Variants in SRPK2 observed in about 807,000 individuals in gnomAD.
SRPK2 encodes SFRS protein kinase 2.
SRPK2 carries 21 observed loss-of-function variants against 90.8 expected under a neutral mutation model. The ratio of observed to expected loss-of-function variants is 0.23; its 90% CI spans 0.16 to 0.33. The LOEUF (loss-of-function observed/expected upper bound fraction) is 0.33. SRPK2 is among the 10% of genes least tolerant of loss of function. The probability of loss-of-function intolerance (pLI) is 1.00; values close to 1 mark genes in which losing one functional copy is unlikely to be tolerated. For missense variants in SRPK2, 620 were observed against 869.0 expected (o/e 0.71, Z 3.60); for synonymous variants, 288 against 311.1 (o/e 0.93, Z 0.78).
intron 2 of SRPK2, among the ~76,000 whole-genome samples, chr7:105,289,817 A>G (rs1281410805): frequency 6.6e-6 from 1 of 152,194 alleles, no homozygotes; most frequent in Non-Finnish European, 1.5e-5. Context: ...AGCCTCTGAC[A>G]TGCCTTCCTC....
At chr7:105,320,272 T>C (rs1031744076) in intron 2 of SRPK2, among the ~76,000 whole-genome samples, 1 of 152,212 alleles carries the variant, frequency 6.6e-6, no homozygotes, top group Non-Finnish European at 1.5e-5. Context: ...GGAAGATTCA[T>C]ATTTTGCTCA....
rs55928342 is a variant in SRPK2 at position 105,372,136 on chromosome 7, TAAA to T, written c.71+16509_71+16511del. On this transcript the variant is annotated intron_variant, in intron 2 of 15. Coordinates refer to ENST00000393651, the MANE Select transcript of SRPK2 (RefSeq NM_182692.3). ...GGTGACAGAGCAAGACTCCAACTCA[TAAA>T]AAAAAAAAAAAAAAAAAAAAAAAGT... Among the ~76,000 whole-genome samples, 502 of 76,770 alleles carry T rather than the reference TAAA, an allele frequency of 6.5e-3. 4 individuals are homozygous for T. Among genetic ancestry groups the T allele is most frequent in the African/African-American group, 1.0e-2 (190 of 19,072 alleles). 50.4% of individuals were successfully genotyped at this position (76,770 alleles called of 152,430 possible).
chr7:105,386,182 C>G (rs1022127087), intron 2 of SRPK2, among the ~76,000 whole-genome samples: 1 of 151,876 alleles, frequency 6.6e-6, no homozygotes. Flanking sequence ...GGCGTGGTGG[C>G]GGGCGCCTGT....
At chr7:105,295,694 C>T (rs1212896421) in intron 2 of SRPK2, among the ~76,000 whole-genome samples, 1 of 152,072 alleles carries the variant, frequency 6.6e-6, no homozygotes, top group African/African-American at 2.4e-5. Flanking sequence ...ACAGTGGTCA[C>T]GGTTACAAAA....
chr7:105,336,547 C>T (rs1198772467), intron 2 of SRPK2, among the ~76,000 whole-genome samples: 1 of 151,660 alleles, frequency 6.6e-6, no homozygotes, highest in Non-Finnish European at 1.5e-5. Context: ...GGACTGAAAA[C>T]CAAAAAAAAA....
Position 105,388,835 on chromosome 7 carries a change from C to T in SRPK2, c.-29G>A, listed in dbSNP as rs1280091662. The T allele has an allele frequency of 7.5e-7, 1 of 1,335,222 alleles. No individual in the cohort carries two copies. Among genetic ancestry groups the T allele is most frequent in the South Asian group, 2.0e-5 (1 of 49,908 alleles). 82.7% of individuals were successfully genotyped at this position (1,335,222 alleles called of 1,614,324 possible). A position where few individuals can be genotyped will look rare whatever the true frequency, so the allele number is the denominator to read the frequency against. On this transcript the variant is annotated 5_prime_UTR_variant, in exon 1 of 16. Transcript: ENST00000393651. ...GACGCGGCGGAAGCGGGGCGGGGGG[C>T]TTCGCGACGGCGACGCGGGCGCCGA...
intron 11 of SRPK2, among the ~76,000 whole-genome samples, chr7:105,141,442 G>C (rs1218531161): frequency 1.3e-5 from 2 of 152,138 alleles, no homozygotes; most frequent in African/African-American, 4.8e-5. Context: ...AGCCTTCTTA[G>C]GTAGACAAGA....
intron 3 of SRPK2, among the ~76,000 whole-genome samples, chr7:105,182,726 C>T (rs1793044515): frequency 6.6e-6 from 1 of 152,156 alleles, no homozygotes; most frequent in Admixed American, 6.5e-5. Context: ...CCTTGGCCTC[C>T]CAAAGTGCTG....
chr7:105,118,598 A>G (rs189379770), intron 15 of SRPK2, among the ~76,000 whole-genome samples: 114 of 152,092 alleles, frequency 7.5e-4, no homozygotes, highest in African/African-American at 2.4e-3. Context: ...TTCATAAGAG[A>G]AAAAAAAGGT....
intron 2 of SRPK2, among the ~76,000 whole-genome samples, chr7:105,288,621 A>T (rs777514899): frequency 5.3e-5 from 8 of 152,100 alleles, no homozygotes; most frequent in Non-Finnish European, 1.0e-4. Context: ...CAACAAAAAA[A>T]ATATATAAAA....
Position 105,176,613 on chromosome 7 carries a change from ACGTGTG to A in SRPK2, c.230-7354_230-7349del, listed in dbSNP as rs1263728991. ...TATGTGTGTGTGTGTGTGTGTGTATACGTGTGTGTATATATATATATGCACAGTGGC... is the reference window on the plus strand; with the variant it reads ...TATGTGTGTGTGTGTGTGTGTGTATATGTATATATATATATGCACAGTGGC... On this transcript the variant is annotated intron_variant, in intron 3 of 15. Transcript: ENST00000393651. Among the ~76,000 whole-genome samples the A allele has an allele frequency of 6.2e-3, 117 of 18,796 alleles. 4 individuals are homozygous for A. In the South Asian group the frequency reaches 0.18, roughly 30 times the overall value. 12.3% of individuals were successfully genotyped at this position (18,796 alleles called of 152,430 possible).
At chr7:105,262,856 A>T (rs1252336140) in intron 2 of SRPK2, among the ~76,000 whole-genome samples, 1 of 152,214 alleles carries the variant, frequency 6.6e-6, no homozygotes, top group Non-Finnish European at 1.5e-5. Context: ...GAGAAGGAAA[A>T]AAATATATAC....
intron 2 of SRPK2, 46 bp downstream of exon 2, chr7:105,388,602 G>C: frequency 6.6e-7 from 1 of 1,516,636 alleles, no homozygotes; most frequent in Non-Finnish European, 8.9e-7. Context: ...GGGCGCCCCC[G>C]ACGGGGCGGG....
intron 2 of SRPK2, among the ~76,000 whole-genome samples, chr7:105,215,125 G>A (rs371456292): frequency 3.0e-4 from 46 of 152,238 alleles, no homozygotes; most frequent in African/African-American, 1.1e-3. Context: ...CGGAACAACC[G>A]AATATTCACA....
At chr7:105,246,301 C>T (rs1585338758) in intron 2 of SRPK2, among the ~76,000 whole-genome samples, 5 of 152,146 alleles carry the variant, frequency 3.3e-5, no homozygotes, top group Admixed American at 2.0e-4. Context: ...CACCCTGCAA[C>T]ATTTTACAAG....
chr7:105,388,836 T>A lies in SRPK2; in HGVS notation c.-30A>T. ...ACGCGGCGGAAGCGGGGCGGGGGGCTTCGCGACGGCGACGCGGGCGCCGAG... is the reference window on the plus strand; with the variant it reads ...ACGCGGCGGAAGCGGGGCGGGGGGCATCGCGACGGCGACGCGGGCGCCGAG... On this transcript the variant is annotated 5_prime_UTR_variant, in exon 1 of 16. In the 5' UTR this introduces an upstream ATG that the reference lacks. Transcript: ENST00000393651. 7.5e-7 allele frequency: 1 copy of A among 1,333,666 alleles called. No individual in the cohort carries two copies. The highest frequency in any genetic ancestry group is 9.5e-7 in the Non-Finnish European group (1 of 1,047,918). 82.6% of individuals were successfully genotyped at this position (1,333,666 alleles called of 1,614,324 possible).
chr7:105,247,805 C>G (rs1801908365), intron 2 of SRPK2, among the ~76,000 whole-genome samples: 1 of 151,588 alleles, frequency 6.6e-6, no homozygotes, highest in African/African-American at 2.4e-5. Flanking sequence ...AAGTGATCCT[C>G]TTGCCTTGTG....
intron 3 of SRPK2, among the ~76,000 whole-genome samples, chr7:105,172,716 C>G (rs541726453): frequency 6.6e-6 from 1 of 152,252 alleles, no homozygotes; most frequent in Non-Finnish European, 1.5e-5. Flanking sequence ...GTTTTATCAA[C>G]TAGTAAGAAA....
At position 105,228,540 on chromosome 7, in the gene SRPK2, G is replaced by C. The variant is rs117361255; in HGVS notation, c.72-24755C>G. 2.8e-3 allele frequency among the ~76,000 whole-genome samples: 428 copies of C among 152,308 alleles called. 11 individuals carry two copies. The East Asian group carries it at 0.055, about 20-fold the overall frequency. On this transcript the variant is annotated intron_variant, in intron 2 of 15. Transcript: ENST00000393651. ...AACACCTTTAAAAAAAGTTTTTGGA[G>C]ACGGGCGCAGTGGCTCACGCCTGCA...
Sources: allele counts gnomAD v4.1 joint callset (sites outside exome capture counted in the v4.1 genomes callset), GRCh38; gene constraint gnomAD v4.1.1; transcripts MANE v1.5; gene names NCBI Gene and HGNC (gene_info 2026-07-23, HGNC 2026-07-21).